The following CMSS1 variants were observed in gnomAD, a reference collection of about 807,000 sequenced individuals.
CMSS1 encodes the protein protein CMSS1.
In CMSS1, 33 loss-of-function variants were observed where a neutral mutation model predicts 43.5. The observed-to-expected ratio is 0.76, with a 90% CI of 0.57 to 1.01. The LOEUF (loss-of-function observed/expected upper bound fraction) is 1.01. Ranked by LOEUF, CMSS1 falls within the 50% of genes least tolerant of loss-of-function variation. The pLI is 0.00. For missense variants in CMSS1, 313 were observed against 326.4 expected (o/e 0.96, Z 0.32); for synonymous variants, 115 against 117.2 (o/e 0.98, Z 0.12).
chr3:99,892,123 G>A (rs985304283), intron 1 of CMSS1, among the ~76,000 whole-genome samples: 3 of 152,166 alleles, frequency 2.0e-5, no homozygotes, highest in Non-Finnish European at 2.9e-5. Context: ...GAATATCACT[G>A]GAGTCTCATT....
intron 1 of CMSS1, among the ~76,000 whole-genome samples, chr3:100,071,090 C>CTTTTTTTTTTTTT (rs61563009): frequency 1.4e-5 from 1 of 70,580 alleles, no homozygotes; most frequent in East Asian, 4.9e-4. Flanking sequence ...GCTACTCTCT[C>CTTTTTTTTTTTTT]TTTTTTTTTT....
intron 1 of CMSS1, among the ~76,000 whole-genome samples, chr3:99,845,459 C>G (rs1455862796): frequency 2.0e-5 from 3 of 152,130 alleles, no homozygotes; most frequent in African/African-American, 7.2e-5. Flanking sequence ...TGTGAGCCCT[C>G]ATGGACCAAA....
intron 1 of CMSS1, among the ~76,000 whole-genome samples, chr3:100,014,318 T>G (rs557647412): frequency 6.6e-6 from 1 of 152,260 alleles, no homozygotes; most frequent in Non-Finnish European, 1.5e-5. Flanking sequence ...TGTAGATATC[T>G]TTTCAAGATA....
In CMSS1 at chr3:100,121,570, T is replaced by C. The variant is rs78046075; in HGVS notation, c.65-25403T>C. ...AAACATACGTGTACATGTGATGCTA[T>C]TGTGAATACTGCCACAATAAACATA... On this transcript the variant is annotated intron_variant, in intron 1 of 9. Coordinates refer to ENST00000421999, the MANE Select transcript of CMSS1 (RefSeq NM_032359.4). 3.8e-3 allele frequency among the ~76,000 whole-genome samples: 573 copies of C among 152,302 alleles called. 15 individuals are homozygous for C. The East Asian group carries it at 0.077, about 20-fold the overall frequency.
chr3:99,976,294 C>T lies in CMSS1; in HGVS notation c.64+158251C>T, dbSNP rs145074584. Among the ~76,000 whole-genome samples the T allele has an allele frequency of 3.0e-3, 451 of 152,234 alleles. 9 individuals are homozygous for T. The highest frequency in any genetic ancestry group is 1.4e-3 in the Non-Finnish European group (95 of 68,012). ...AAGATACTGTGGCCCATATGCTACG[C>T]GTTCCTGCTTATAACCAAATAATTA... On this transcript the variant is annotated intron_variant, in intron 1 of 9. Transcript: ENST00000421999.
At chr3:100,057,069 T>G (rs1186336099) in intron 1 of CMSS1, among the ~76,000 whole-genome samples, 1 of 152,072 alleles carries the variant, frequency 6.6e-6, no homozygotes, top group African/African-American at 2.4e-5. Context: ...AGAGAACTAA[T>G]GATTGGCAGG....
intron 1 of CMSS1, among the ~76,000 whole-genome samples, chr3:100,120,193 C>G (rs1182668780): frequency 1.3e-5 from 2 of 152,330 alleles, no homozygotes; most frequent in Middle Eastern, 3.4e-3. Context: ...TGTTTTAGCT[C>G]TAAGACATTC....
intron 1 of CMSS1, among the ~76,000 whole-genome samples, chr3:99,962,301 T>G (rs2107704501): frequency 6.6e-6 from 1 of 152,232 alleles, no homozygotes; most frequent in East Asian, 1.9e-4. Flanking sequence ...TGAGGTCGCA[T>G]GTGATGGGAG....
At chr3:99,841,347 G>T (rs1008799972) in intron 1 of CMSS1, among the ~76,000 whole-genome samples, 11 of 152,158 alleles carry the variant, frequency 7.2e-5, no homozygotes, top group African/African-American at 2.7e-4. Context: ...TTTCTACTAT[G>T]CCTGTGGCAG....
intron 1 of CMSS1, chr3:99,848,373 G>A: frequency 6.2e-7 from 1 of 1,614,156 alleles, no homozygotes; most frequent in Non-Finnish European, 8.5e-7. Flanking sequence ...TGGTTGTTTT[G>A]TTTAGTGCCC....
intron 7 of CMSS1, 73 bp from the exon 8 acceptor site, chr3:100,172,243 A>G: frequency 1.5e-6 from 2 of 1,314,518 alleles, no homozygotes; most frequent in Middle Eastern, 3.7e-4. Flanking sequence ...TTGAGATAAA[A>G]TGTTCTAAAT....
At position 99,920,839 on chromosome 3, in the gene CMSS1, A is replaced by C. The variant is rs182349622; in HGVS notation, c.64+102796A>C. Among the ~76,000 whole-genome samples the C allele has an allele frequency of 4.6e-5, 7 of 152,350 alleles. No homozygotes were observed. In the East Asian group the frequency reaches 1.3e-3, roughly 29 times the overall value. On this transcript the variant is annotated intron_variant, in intron 1 of 9. Coordinates refer to ENST00000421999, the MANE Select transcript of CMSS1 (RefSeq NM_032359.4). ...GCCTTAATTTGAAATCCATTATTAC[A>C]TCCTCTGAGGTCTCATTAACTACCT... is the stretch of plus-strand genomic sequence containing the variant.
chr3:100,152,000 C>G (rs1050422155), intron 2 of CMSS1, among the ~76,000 whole-genome samples: 12 of 152,148 alleles, frequency 7.9e-5, no homozygotes, highest in African/African-American at 2.9e-4. Flanking sequence ...AGTGGTGGGA[C>G]AAGTGTAGTA....
intron 6 of CMSS1, among the ~76,000 whole-genome samples, chr3:100,169,343 C>T (rs969689480): frequency 2.3e-4 from 35 of 152,232 alleles, no homozygotes; most frequent in African/African-American, 7.9e-4. Flanking sequence ...AGAGAAGAGC[C>T]GTGAGAGTCA....
chr3:100,169,036 A>G (rs575172450), intron 6 of CMSS1, among the ~76,000 whole-genome samples: 18 of 152,274 alleles, frequency 1.2e-4, no homozygotes, highest in Admixed American at 3.3e-4. Context: ...ACCCAAATGC[A>G]TATGAAAATG....
At chr3:100,150,480 G>A (rs1489424328) in intron 2 of CMSS1, among the ~76,000 whole-genome samples, 1 of 152,122 alleles carries the variant, frequency 6.6e-6, no homozygotes, top group Non-Finnish European at 1.5e-5. Context: ...TATACATTTA[G>A]GCTTTAATAT....
At chr3:100,069,681 T>C (rs568086528) in intron 1 of CMSS1, among the ~76,000 whole-genome samples, 38 of 152,292 alleles carry the variant, frequency 2.5e-4, no homozygotes, top group African/African-American at 9.1e-4. Flanking sequence ...TATCAGGAAA[T>C]GTCGTCATGG....
At chr3:99,918,782 A>T (rs1707034188) in intron 1 of CMSS1, among the ~76,000 whole-genome samples, 1 of 152,202 alleles carries the variant, frequency 6.6e-6, no homozygotes, top group Admixed American at 6.5e-5. Context: ...ATCATGTCAT[A>T]ATTCTGTATA....
intron 1 of CMSS1, among the ~76,000 whole-genome samples, chr3:100,117,860 T>C (rs78171397): frequency 0.13 from 15,637 of 123,786 alleles, 1,256 homozygotes; most frequent in Admixed American, 0.14. Flanking sequence ...TATACATATA[T>C]ATATATATAT....
Sources: allele counts gnomAD v4.1 joint callset (sites outside exome capture counted in the v4.1 genomes callset), GRCh38; gene constraint gnomAD v4.1.1; transcripts MANE v1.5; gene names NCBI Gene and HGNC (gene_info 2026-07-23, HGNC 2026-07-21).